SCML2: variants seen among roughly 807,000 people sequenced by gnomAD.
SCML2 encodes the protein Scm polycomb group protein like 2, also known as sex comb on midleg-like protein 2.
Under a neutral mutation model 48.4 loss-of-function variants are expected in SCML2, and 6 were observed. The observed-to-expected ratio is 0.12, with a 90% CI of 0.07 to 0.24. The LOEUF (loss-of-function observed/expected upper bound fraction) is 0.24. Ranked by LOEUF, SCML2 falls within the 10% of genes least tolerant of loss-of-function variation. The pLI is 1.00. For synonymous variants in SCML2, 181 were observed against 189.5 expected (o/e 0.95, Z 0.37); for missense variants, 377 against 528.2 (o/e 0.71, Z 2.81).
chrX:18,311,987 TC>T (rs1450525675), intron 6 of SCML2, among the ~76,000 whole-genome samples: 1 of 111,740 alleles, frequency 8.9e-6, no homozygotes, highest in Non-Finnish European at 1.9e-5. Context: ...AGACAGGGTT[TC>T]ACCCTGTTGG....
chrX:18,337,975 A>G lies in SCML2; in HGVS notation c.-24-3880T>C, dbSNP rs184854347. Among the ~76,000 whole-genome samples, 24 of 112,340 alleles carry G rather than the reference A, an allele frequency of 2.1e-4. 1 individual carries two copies. In the East Asian group the frequency reaches 5.0e-3, roughly 23 times the overall value. ...TAACAGAAAGCTGAAAAACTCCCAA[A>G]TATTTGGAGATTAATCAACACACTC... On this transcript the variant is annotated intron_variant, in intron 1 of 14. Transcript: ENST00000251900.
chrX:18,264,866 T>C lies in SCML2; in HGVS notation c.948+719A>G, dbSNP rs1326994373. Among the ~76,000 whole-genome samples, 4 of 111,638 alleles carry C rather than the reference T, an allele frequency of 3.6e-5. No homozygotes were observed. In the East Asian group the frequency reaches 1.1e-3, roughly 31 times the overall value. On this transcript the variant is annotated intron_variant, in intron 8 of 14. Coordinates refer to ENST00000251900, the MANE Select transcript of SCML2 (RefSeq NM_006089.3). ...ATCAGGGGTCTGTCAGAGACGTTGG[T>C]AGACAGAATTTGCAGATAACCTCTC...
intron 1 of SCML2, among the ~76,000 whole-genome samples, chrX:18,353,182 TG>T (rs1382388487): frequency 7.3e-5 from 8 of 109,695 alleles, no homozygotes; most frequent in African/African-American, 2.6e-4. Context: ...CATTCGTAAT[TG>T]GAAATATTTT....
intron 6 of SCML2, among the ~76,000 whole-genome samples, chrX:18,313,854 TTTG>T (rs1929035337): frequency 8.9e-6 from 1 of 111,975 alleles, no homozygotes; most frequent in South Asian, 3.7e-4. Context: ...GTTTTGTTTT[TTTG>T]TTGTTGTTGT....
intron 1 of SCML2, among the ~76,000 whole-genome samples, chrX:18,347,597 A>G (rs368866873): frequency 9.3e-6 from 1 of 107,630 alleles, no homozygotes; most frequent in African/African-American, 3.4e-5. Flanking sequence ...GGTGGTACAC[A>G]CCTATAATCT....
chrX:18,319,323 C>T (rs1447911695), intron 6 of SCML2, among the ~76,000 whole-genome samples: 4 of 109,897 alleles, frequency 3.6e-5, no homozygotes, highest in African/African-American at 1.3e-4. Flanking sequence ...CCCGGGAAGC[C>T]GAGATCACAC....
chrX:18,255,950 T>C (rs775596272), intron 11 of SCML2, among the ~76,000 whole-genome samples: 4 of 111,983 alleles, frequency 3.6e-5, no homozygotes, highest in Admixed American at 1.9e-4. Flanking sequence ...ACAGTTAGCT[T>C]TCATGAGTCA....
Position 18,259,537 on chromosome X carries a change from G to A in SCML2, c.1069+634C>T, listed in dbSNP as rs372178470. Among the ~76,000 whole-genome samples the A allele has an allele frequency of 7.2e-5, 8 of 111,763 alleles. No homozygotes were observed. The East Asian group carries it at 1.4e-3, about 20-fold the overall frequency. ...TAAAAATTCAACCCACGGTGCTGATGACATGGACAAATTCTACTGAACACA... is the reference window on the plus strand; with the variant it reads ...TAAAAATTCAACCCACGGTGCTGATAACATGGACAAATTCTACTGAACACA... On this transcript the variant is annotated intron_variant, in intron 9 of 14. Coordinates refer to ENST00000251900, the MANE Select transcript of SCML2 (RefSeq NM_006089.3).
At chrX:18,245,961 A>C in intron 13 of SCML2, among the ~76,000 whole-genome samples, 1 of 110,480 alleles carries the variant, frequency 9.1e-6, no homozygotes, top group Middle Eastern at 4.7e-3. Flanking sequence ...CTGGTCTCAA[A>C]CTCCCGACTT....
At chrX:18,337,259 G>A (rs1401001300) in intron 1 of SCML2, among the ~76,000 whole-genome samples, 2 of 81,019 alleles carry the variant, frequency 2.5e-5, no homozygotes, top group African/African-American at 5.0e-5. Context: ...CCAAGAACGC[G>A]CCACTCACTG....
chrX:18,340,023 A>G (rs892804462), intron 1 of SCML2, among the ~76,000 whole-genome samples: 7 of 112,241 alleles, frequency 6.2e-5, no homozygotes, highest in East Asian at 2.8e-4. Context: ...CAAATTCCAT[A>G]TATCGATAAT....
chrX:18,261,152 AATGTTAAAG>A (rs1927048923), intron 8 of SCML2, among the ~76,000 whole-genome samples: 1 of 108,729 alleles, frequency 9.2e-6, no homozygotes, highest in Non-Finnish European at 1.9e-5. Context: ...GTTCTTTATC[AATGTTAAAG>A]AAACAAAAAA....
chrX:18,341,844 T>G (rs1389899133), intron 1 of SCML2, among the ~76,000 whole-genome samples: 2 of 112,154 alleles, frequency 1.8e-5, no homozygotes, highest in Non-Finnish European at 3.8e-5. Context: ...TTGTCCCTCT[T>G]AAAATGCATT....
At chrX:18,352,861 A>G (rs565444683) in intron 1 of SCML2, among the ~76,000 whole-genome samples, 1 of 112,037 alleles carries the variant, frequency 8.9e-6, no homozygotes, top group African/African-American at 3.2e-5. Context: ...TTTTCCAACT[A>G]CCAATTCCAA....
intron 7 of SCML2, among the ~76,000 whole-genome samples, chrX:18,286,840 T>C (rs1284511611): frequency 8.9e-6 from 1 of 111,929 alleles, no homozygotes; most frequent in Non-Finnish European, 1.9e-5. Context: ...GGAAAAGGGA[T>C]GAAGTTACAA....
intron 8 of SCML2, among the ~76,000 whole-genome samples, chrX:18,265,373 G>A (rs1927220390): frequency 1.8e-5 from 2 of 112,296 alleles, no homozygotes; most frequent in Middle Eastern, 4.7e-3. Flanking sequence ...TTGTGGTTTT[G>A]AAGAAGTAGA....
At chrX:18,242,688 C>CT in intron 13 of SCML2, 98 bp from the exon 14 acceptor site, 1 of 928,465 alleles carries the variant, frequency 1.1e-6, no homozygotes, top group East Asian at 3.4e-5. Context: ...TTCCTGGAAC[C>CT]TTTTGTTAAG....
intron 6 of SCML2, among the ~76,000 whole-genome samples, chrX:18,306,130 T>C (rs768758978): frequency 9.0e-6 from 1 of 111,621 alleles, no homozygotes; most frequent in Admixed American, 9.5e-5. Flanking sequence ...TAATGAACAT[T>C]ACAATCACCT....
intron 3 of SCML2, among the ~76,000 whole-genome samples, chrX:18,329,048 T>C: frequency 8.9e-6 from 1 of 111,900 alleles, no homozygotes. Context: ...GTACAGGATT[T>C]CTTTTTAGGG....
Sources: gnomAD v4.1 joint callset for allele counts (sites outside exome capture counted in the v4.1 genomes callset) on GRCh38, gnomAD v4.1.1 for gene constraint, MANE v1.5 for transcripts, NCBI Gene and HGNC (gene_info 2026-07-23, HGNC 2026-07-21) for gene names.